TEX26: variants seen among roughly 807,000 people sequenced by gnomAD.
TEX26 encodes the protein testis-expressed protein 26.
Under a neutral mutation model 35.3 loss-of-function variants are expected in TEX26, and 34 were observed. The ratio of observed to expected loss-of-function variants is 0.96; its 90% confidence interval spans 0.73 to 1.28. The LOEUF (loss-of-function observed/expected upper bound fraction) is 1.28, where lower values mean the gene tolerates loss of function less well. Ranked by LOEUF, TEX26 falls within the 50% of genes most tolerant of loss-of-function variation. The pLI is 0.00. For missense variants in TEX26, 371 were observed against 330.1 expected (o/e 1.12, Z -0.96); for synonymous variants, 136 against 111.8 (o/e 1.22, Z -1.36).
intron 5 of TEX26, among the ~76,000 whole-genome samples, chr13:30,967,517 G>A (rs1207428426): frequency 6.6e-6 from 1 of 152,142 alleles, no homozygotes; most frequent in African/African-American, 2.4e-5. Flanking sequence ...ATAAATCTAT[G>A]ACCCTACAAA....
intron 2 of TEX26, among the ~76,000 whole-genome samples, chr13:30,948,789 G>C (rs1953812508): frequency 6.6e-6 from 1 of 152,054 alleles, no homozygotes; most frequent in African/African-American, 2.4e-5. Flanking sequence ...CATTGCTTTT[G>C]GTGTTTTAGA....
chr13:30,963,108 A>T (rs1307163019), intron 4 of TEX26, among the ~76,000 whole-genome samples: 1 of 152,070 alleles, frequency 6.6e-6, no homozygotes, highest in African/African-American at 2.4e-5. Flanking sequence ...CATTGCAGGC[A>T]TGAGCCACCG....
intron 4 of TEX26, among the ~76,000 whole-genome samples, chr13:30,963,639 C>T (rs1291895584): frequency 2.6e-5 from 4 of 152,126 alleles, no homozygotes; most frequent in Non-Finnish European, 2.9e-5. Context: ...TTGGTGTGTG[C>T]GTTCACTCAT....
rs749557019 is a variant in TEX26, at chr13:30,953,009, C to A, written c.312+184C>A. 3.9e-5 allele frequency among the ~76,000 whole-genome samples: 6 copies of A among 152,082 alleles called. No homozygotes were observed. The South Asian group carries it at 1.2e-3, about 32-fold the overall frequency. ...TTTCTAACCTCTTGTGTTCTATCCC[C>A]TGGAGTTTTTTTTAAAAAAGGACTT... On this transcript the variant is annotated intron_variant, in intron 3 of 6. Transcript: ENST00000380473.
intron 4 of TEX26, among the ~76,000 whole-genome samples, chr13:30,962,806 G>A (rs1048273830): frequency 6.8e-6 from 1 of 147,526 alleles, no homozygotes; most frequent in African/African-American, 2.5e-5. Flanking sequence ...GGTCCTAATG[G>A]GTTGTTTTTT....
chr13:30,964,992 A>G (rs532563204), intron 4 of TEX26, among the ~76,000 whole-genome samples: 1 of 152,302 alleles, frequency 6.6e-6, no homozygotes, highest in Admixed American at 6.5e-5. Flanking sequence ...AAATCATAGC[A>G]CTAAGTTATA....
chr13:30,958,509 C>T, intron 4 of TEX26, among the ~76,000 whole-genome samples: 1 of 152,088 alleles, frequency 6.6e-6, no homozygotes, highest in East Asian at 1.9e-4. Flanking sequence ...GGCTGGCTGC[C>T]CTGTGGGCTC....
rs756829067 is a variant in TEX26, at chr13:30,968,868, C to T, written c.647-17C>T. On this transcript the variant is annotated splice_polypyrimidine_tract_variant and intron_variant, in intron 5 of 6. Transcript: ENST00000380473. ...GTGCCAGCCTTCCGACCTCTCCTCC[C>T]CTGTGTATTTCTATAGTGCCTTCTG... 7.5e-6 allele frequency: 12 copies of T among 1,610,458 alleles called. No individual in the cohort carries two copies. Among genetic ancestry groups the T allele is most frequent in the East Asian group, 6.7e-5 (3 of 44,866 alleles).
chr13:30,974,778 A>T, intron 6 of TEX26, 68 bp from the exon 7 acceptor site: 2 of 1,428,782 alleles, frequency 1.4e-6, no homozygotes, highest in Non-Finnish European at 1.9e-6. Flanking sequence ...TCCTTCATAG[A>T]ATTTCCCAAT....
intron 3 of TEX26, among the ~76,000 whole-genome samples, chr13:30,954,840 A>G (rs1178235168): frequency 2.0e-5 from 3 of 152,242 alleles, no homozygotes; most frequent in African/African-American, 7.2e-5. Context: ...GTATTTATAC[A>G]TTCACAAACA....
intron 6 of TEX26, among the ~76,000 whole-genome samples, chr13:30,972,184 G>A (rs1453371867): frequency 6.6e-6 from 1 of 152,198 alleles, no homozygotes; most frequent in Non-Finnish European, 1.5e-5. Flanking sequence ...CTGCCTGGAG[G>A]AGGGGTCCTA....
rs7330323 is a variant in TEX26 at position 30,954,350 on chromosome 13, T to C, written c.312+1525T>C. Reference sequence around the variant, plus strand: ...TGTATGTATATATCTCTTGGAGATATACACATAAAACTCCTGTCTCTAAAA... The same window carrying C: ...TGTATGTATATATCTCTTGGAGATACACACATAAAACTCCTGTCTCTAAAA... On this transcript the variant is annotated intron_variant, in intron 3 of 6. Coordinates refer to ENST00000380473, the MANE Select transcript of TEX26 (RefSeq NM_152325.3). 9.9e-4 allele frequency among the ~76,000 whole-genome samples: 132 copies of C among 133,648 alleles called. 1 individual carries two copies. Among genetic ancestry groups the C allele is most frequent in the African/African-American group, 3.4e-3 (128 of 38,028 alleles). 87.7% of individuals were successfully genotyped at this position (133,648 alleles called of 152,430 possible).
intron 1 of TEX26, among the ~76,000 whole-genome samples, chr13:30,938,438 A>T (rs1438600615): frequency 6.6e-6 from 1 of 152,140 alleles, no homozygotes; most frequent in Non-Finnish European, 1.5e-5. Flanking sequence ...GCATTGGGTG[A>T]GGGCCTATTA....
intron 6 of TEX26, among the ~76,000 whole-genome samples, chr13:30,971,441 C>G (rs575599651): frequency 2.0e-5 from 3 of 152,062 alleles, no homozygotes; most frequent in East Asian, 3.9e-4. Context: ...GAAAGAGATA[C>G]AGAGAGAGAG....
At chr13:30,970,890 G>T (rs1302163608) in intron 6 of TEX26, among the ~76,000 whole-genome samples, 1 of 152,222 alleles carries the variant, frequency 6.6e-6, no homozygotes, top group Non-Finnish European at 1.5e-5. Context: ...ACCTAATGGG[G>T]TTTTCCTCCC....
intron 4 of TEX26, among the ~76,000 whole-genome samples, chr13:30,958,628 G>A (rs563577140): frequency 1.3e-5 from 2 of 152,216 alleles, no homozygotes; most frequent in East Asian, 3.9e-4. Flanking sequence ...CCCTTTTCCT[G>A]CCCCAACAGA....
At chr13:30,938,196 G>C (rs1197535212) in intron 1 of TEX26, among the ~76,000 whole-genome samples, 1 of 152,072 alleles carries the variant, frequency 6.6e-6, no homozygotes, top group Non-Finnish European at 1.5e-5. Context: ...TGAAGAGTGA[G>C]AGAATGACTG....
intron 2 of TEX26, among the ~76,000 whole-genome samples, chr13:30,942,450 T>G (rs1769910500): frequency 6.6e-6 from 1 of 152,194 alleles, no homozygotes; most frequent in Non-Finnish European, 1.5e-5. Flanking sequence ...GCAAATATTT[T>G]TCTCCTATTC....
chr13:30,936,757 G>A, intron 1 of TEX26: 1 of 985,412 alleles, frequency 1.0e-6, no homozygotes, highest in Non-Finnish European at 1.2e-6. Flanking sequence ...GAAAATGAGA[G>A]AAGAAAGAAT....
Sources: gnomAD v4.1 joint callset for allele counts (sites outside exome capture counted in the v4.1 genomes callset) on GRCh38, gnomAD v4.1.1 for gene constraint, MANE v1.5 for transcripts, NCBI Gene and HGNC (gene_info 2026-07-23, HGNC 2026-07-21) for gene names.